ZNF564: variants seen among roughly 807,000 people sequenced by gnomAD.
ZNF564 encodes zinc finger protein 564.
A neutral mutation model predicts 10.5 loss-of-function variants in ZNF564; 5 were observed. That is an observed-to-expected ratio of 0.48 (90% CI 0.25 to 1.00). The LOEUF (loss-of-function observed/expected upper bound fraction) is 1.00, where lower values mean the gene tolerates loss of function less well. ZNF564 is among the 50% of genes least tolerant of loss of function. The probability of loss-of-function intolerance (pLI) is 0.16; values close to 1 mark genes in which losing one functional copy is unlikely to be tolerated. For synonymous variants in ZNF564, 242 were observed against 218.1 expected (o/e 1.11, Z -0.97); for missense variants, 603 against 669.7 (o/e 0.90, Z 1.10).
intron 1 of ZNF564, among the ~76,000 whole-genome samples, chr19:12,542,031 A>G (rs1157474419): frequency 2.8e-5 from 4 of 142,604 alleles, no homozygotes; most frequent in African/African-American, 7.8e-5. Context: ...AAAAAAAAAA[A>G]AAAGAAATGC....
At chr19:12,536,011 C>CA (rs5827154) in intron 1 of ZNF564, among the ~76,000 whole-genome samples, 5,645 of 110,624 alleles carry the variant, frequency 0.051, 151 homozygotes, top group Non-Finnish European at 0.073. Context: ...GACTCCGTCT[C>CA]AAAAAAAAAA....
chr19:12,539,896 G>C (rs1279376613), intron 1 of ZNF564, among the ~76,000 whole-genome samples: 1 of 151,232 alleles, frequency 6.6e-6, no homozygotes, highest in African/African-American at 2.4e-5. Context: ...CAGGAGATTG[G>C]CGTGAATCTG....
intron 1 of ZNF564, among the ~76,000 whole-genome samples, chr19:12,532,534 C>CAAAAA (rs35579003): frequency 2.0e-4 from 8 of 39,196 alleles, no homozygotes; most frequent in African/African-American, 5.2e-4. Context: ...GACTCCGTCT[C>CAAAAA]AAAAAAAAAA....
chr19:12,550,076 T>C (rs1215987938), intron 1 of ZNF564, among the ~76,000 whole-genome samples: 1 of 151,538 alleles, frequency 6.6e-6, no homozygotes. Flanking sequence ...GCGGATCACC[T>C]GAGGTCGGGA....
chr19:12,538,118 A>G (rs2145080245), intron 1 of ZNF564, among the ~76,000 whole-genome samples: 1 of 152,252 alleles, frequency 6.6e-6, no homozygotes, highest in South Asian at 2.1e-4. Flanking sequence ...AAAATATAAA[A>G]TGATTGTATA....
chr19:12,546,335 T>TCCA (rs1277682809), intron 1 of ZNF564, among the ~76,000 whole-genome samples: 1 of 152,014 alleles, frequency 6.6e-6, no homozygotes, highest in Non-Finnish European at 1.5e-5. Flanking sequence ...TAAAACACTC[T>TCCA]CCACCACCAC....
Position 12,525,999 on chromosome 19 carries a change from G to T in ZNF564, c.*447C>A, listed in dbSNP as rs117049695. 1,283 of 154,214 alleles carry T rather than the reference G, an allele frequency of 8.3e-3. 7 individuals are homozygous for T. Among genetic ancestry groups the T allele is most frequent in the Non-Finnish European group, 0.013 (888 of 69,526 alleles). 9.6% of individuals were successfully genotyped at this position (154,214 alleles called of 1,614,324 possible). On this transcript the variant is annotated 3_prime_UTR_variant, in exon 4 of 4. Coordinates refer to ENST00000339282, the MANE Select transcript of ZNF564 (RefSeq NM_144976.4). ...AATACCATCACATTGTGGGGGAGAG[G>T]GGGGGCACGGGGGTAAGGTTTCAAC...
In ZNF564 at chr19:12,526,648, T is replaced by C; in HGVS notation, c.1460A>G (p.Asn487Ser). 2.5e-6 allele frequency: 4 copies of C among 1,614,088 alleles called. No homozygotes were observed. Among genetic ancestry groups the C allele is most frequent in the South Asian group, 1.1e-5 (1 of 91,070 alleles). Reference protein sequence around the residue: ...YECKECGKAFNYASSIRIHER... With the variant: ...YECKECGKAFSYASSIRIHER... ...ATGTATTCTAATGGAACTGGCATAA[T>C]TGAATGCTTTCCCACATTCTTTACA... Residue 487 changes from asparagine (N) to serine (S), a missense_variant, in exon 4 of 4, where the codon AAT becomes AGT. Physicochemically the swap from Asn to Ser is conservative, Grantham distance 46. Coordinates refer to ENST00000339282, the MANE Select transcript of ZNF564 (RefSeq NM_144976.4).
At chr19:12,549,378 C>A (rs2022210846) in intron 1 of ZNF564, among the ~76,000 whole-genome samples, 1 of 152,118 alleles carries the variant, frequency 6.6e-6, no homozygotes. Context: ...AGGACATCTC[C>A]CAGCCCCACC....
Position 12,551,412 on chromosome 19 carries a change from G to T in ZNF564, c.-80C>A. ...CAGGTCCCAGCGCGCCAGACGCTGC[G>T]GTGGAGCCACCGGGGCCACTGGAGA... On this transcript the variant is annotated 5_prime_UTR_variant, in exon 1 of 4. Transcript: ENST00000339282. 1 of 1,481,282 alleles carries T rather than the reference G, an allele frequency of 6.8e-7. No individual in the cohort carries two copies. The allele number at this position is 1,481,282 out of a possible 1,614,324, so 91.8% of individuals were successfully genotyped here.
intron 1 of ZNF564, among the ~76,000 whole-genome samples, chr19:12,543,161 G>T (rs1184676618): frequency 3.3e-5 from 5 of 151,828 alleles, no homozygotes; most frequent in Admixed American, 1.3e-4. Flanking sequence ...AATTAGTCAG[G>T]CGTGGTGGGG....
intron 1 of ZNF564, chr19:12,548,829 C>T (rs2022200927): frequency 2.8e-6 from 2 of 702,894 alleles, no homozygotes; most frequent in East Asian, 2.7e-5. Context: ...TGAAAGGATA[C>T]AGAACAGTTA....
chr19:12,550,667 A>G (rs1221634671), intron 1 of ZNF564: 1 of 159,890 alleles, frequency 6.3e-6, no homozygotes. Context: ...AAAGAAAAAA[A>G]AAACAACAAA....
At chr19:12,535,654 G>A (rs1012358434) in intron 1 of ZNF564, among the ~76,000 whole-genome samples, 2 of 152,138 alleles carry the variant, frequency 1.3e-5, no homozygotes, top group Admixed American at 1.3e-4. Context: ...AATGTAAAAT[G>A]TAAACATTAA....
chr19:12,532,327 A>T (rs1195133962), intron 1 of ZNF564, among the ~76,000 whole-genome samples: 1 of 151,470 alleles, frequency 6.6e-6, no homozygotes, highest in East Asian at 1.9e-4. Flanking sequence ...CGAGGTCAGG[A>T]GATTGAGACC....
intron 1 of ZNF564, among the ~76,000 whole-genome samples, chr19:12,535,903 C>T (rs546150272): frequency 3.3e-5 from 5 of 151,528 alleles, no homozygotes; most frequent in Non-Finnish European, 5.9e-5. Context: ...GTCCCAGCTA[C>T]TTGGGAGGCT....
At chr19:12,551,298 C>A (rs1336879667) in intron 1 of ZNF564, 32 bp downstream of exon 1, 2 of 1,602,524 alleles carry the variant, frequency 1.2e-6, no homozygotes, top group Admixed American at 1.7e-5. Flanking sequence ...GCCCCTCCCC[C>A]AGTCTCCAGG....
chr19:12,546,708 G>A (rs2022161927), intron 1 of ZNF564, among the ~76,000 whole-genome samples: 1 of 152,130 alleles, frequency 6.6e-6, no homozygotes, highest in South Asian at 2.1e-4. Flanking sequence ...TCCAGCCTGG[G>A]TGACAGAGCA....
At chr19:12,546,775 C>T (rs369569536) in intron 1 of ZNF564, among the ~76,000 whole-genome samples, 1 of 152,112 alleles carries the variant, frequency 6.6e-6, no homozygotes, top group Non-Finnish European at 1.5e-5. Context: ...CCATTGTTTA[C>T]TTCATAAACA....
Sources: gnomAD v4.1 joint callset for allele counts (sites outside exome capture counted in the v4.1 genomes callset) on GRCh38, gnomAD v4.1.1 for gene constraint, MANE v1.5 for transcripts, NCBI Gene and HGNC (gene_info 2026-07-23, HGNC 2026-07-21) for gene names.